Variants in MECOM observed in about 807,000 individuals in gnomAD.
MECOM encodes MDS1 and EVI1 complex locus.
A neutral mutation model predicts 116.3 loss-of-function variants in MECOM; 13 were observed. The ratio of observed to expected loss-of-function variants is 0.11; its 90% confidence interval spans 0.07 to 0.18. MECOM has a LOEUF of 0.18. MECOM is among the 10% of genes least tolerant of loss of function. The probability of loss-of-function intolerance (pLI) is 1.00; values close to 1 mark genes in which losing one functional copy is unlikely to be tolerated. For missense variants in MECOM, 1,299 were observed against 1,509.0 expected (o/e 0.86, Z 2.31); for synonymous variants, 528 against 535.2 (o/e 0.99, Z 0.19).
At chr3:169,661,306 C>G (rs1577342103) in intron 1 of MECOM, among the ~76,000 whole-genome samples, 3 of 134,524 alleles carry the variant, frequency 2.2e-5, no homozygotes, top group Admixed American at 2.2e-4. Context: ...CCCGCCAACT[C>G]CCCCCCCCAC....
At chr3:169,594,884 A>AC (rs1450329710) in intron 1 of MECOM, among the ~76,000 whole-genome samples, 1 of 151,084 alleles carries the variant, frequency 6.6e-6, no homozygotes, top group East Asian at 1.9e-4. Flanking sequence ...AACTGAAAAA[A>AC]AAAAAAACAA....
chr3:169,404,110 C>A (rs17550888), intron 1 of MECOM, among the ~76,000 whole-genome samples: 1 of 152,076 alleles, frequency 6.6e-6, no homozygotes, highest in Middle Eastern at 3.4e-3. Flanking sequence ...GATCATATTG[C>A]GATAAATGCT....
intron 1 of MECOM, among the ~76,000 whole-genome samples, chr3:169,462,018 ATTCGCTAGTGTAT>A (rs1261125538): frequency 7.2e-5 from 11 of 152,172 alleles, no homozygotes; most frequent in Admixed American, 6.6e-4. Flanking sequence ...CTATCCAAAT[ATTCGCTAGTGTAT>A]TTCCAAATAC....
chr3:169,423,413 T>C lies in MECOM; in HGVS notation c.38-41889A>G, dbSNP rs188064421. Among the ~76,000 whole-genome samples, 14 of 152,230 alleles carry C rather than the reference T, an allele frequency of 9.2e-5. No individual in the cohort carries two copies. The East Asian group carries it at 2.5e-3, about 27-fold the overall frequency. On this transcript the variant is annotated intron_variant, in intron 1 of 16. Coordinates refer to ENST00000651503, the MANE Select transcript of MECOM (RefSeq NM_004991.4). ...TATGTTTCCATAGAGCTTGTAACCA[T>C]ACTTTTCTCAATTTCAAGTTTTCCG...
intron 2 of MECOM, among the ~76,000 whole-genome samples, chr3:169,172,543 T>C (rs1337601862): frequency 6.6e-6 from 1 of 151,962 alleles, no homozygotes; most frequent in Non-Finnish European, 1.5e-5. Context: ...TACCCATACA[T>C]AGGAAAAATG....
chr3:169,314,972 C>T (rs1385186155), intron 2 of MECOM, among the ~76,000 whole-genome samples: 1 of 152,196 alleles, frequency 6.6e-6, no homozygotes, highest in Admixed American at 6.5e-5. Flanking sequence ...AAACACTGTG[C>T]AGGGCCCTGT....
At chr3:169,257,478 T>C (rs1355139845) in intron 2 of MECOM, among the ~76,000 whole-genome samples, 1 of 152,248 alleles carries the variant, frequency 6.6e-6, no homozygotes. Context: ...TCTATATTTA[T>C]GTTGGTGTAA....
chr3:169,471,867 C>T (rs1178086718), intron 1 of MECOM, among the ~76,000 whole-genome samples: 1 of 152,138 alleles, frequency 6.6e-6, no homozygotes, highest in Non-Finnish European at 1.5e-5. Flanking sequence ...TCTATTTATG[C>T]CCACTTACTT....
At chr3:169,117,811 A>G (rs1472451428) in intron 7 of MECOM, among the ~76,000 whole-genome samples, 1 of 152,220 alleles carries the variant, frequency 6.6e-6, no homozygotes, top group African/African-American at 2.4e-5. Flanking sequence ...CTCCTTTACC[A>G]GGTAAGAATC....
At chr3:169,610,893 G>C (rs527640643) in intron 1 of MECOM, among the ~76,000 whole-genome samples, 1 of 152,224 alleles carries the variant, frequency 6.6e-6, no homozygotes, top group Admixed American at 6.5e-5. Context: ...TTTGCTGAAT[G>C]AATGGATGAC....
intron 3 of MECOM, 78 bp from the exon 4 acceptor site, chr3:169,131,609 C>G: frequency 9.3e-7 from 1 of 1,071,572 alleles, no homozygotes; most frequent in Non-Finnish European, 1.4e-6. Context: ...AAGATATACA[C>G]TAAGATACCT....
At chr3:169,551,973 A>T (rs1269917471) in intron 1 of MECOM, among the ~76,000 whole-genome samples, 1 of 152,100 alleles carries the variant, frequency 6.6e-6, no homozygotes, top group Admixed American at 6.6e-5. Context: ...ATACTGTGTG[A>T]TTGCATTTAT....
chr3:169,656,265 TGTGTA>T (rs1256190277), intron 1 of MECOM, among the ~76,000 whole-genome samples: 1 of 152,242 alleles, frequency 6.6e-6, no homozygotes, highest in Non-Finnish European at 1.5e-5. Context: ...TTCTTTATGT[TGTGTA>T]GTTAATGACC....
At chr3:169,483,858 T>C in intron 1 of MECOM, 1 of 1,611,434 alleles carries the variant, frequency 6.2e-7, no homozygotes, top group South Asian at 1.1e-5. Context: ...GATCTTGCTC[T>C]TGCTCCTTTC....
chr3:169,133,865 T>C (rs1577098160), intron 3 of MECOM: 3 of 1,220,774 alleles, frequency 2.5e-6, no homozygotes, highest in South Asian at 1.3e-5. Flanking sequence ...TCTGGAGTTC[T>C]ATTTCCCCTT....
intron 1 of MECOM, among the ~76,000 whole-genome samples, chr3:169,643,521 G>A (rs966505590): frequency 6.6e-6 from 1 of 152,160 alleles, no homozygotes; most frequent in Non-Finnish European, 1.5e-5. Context: ...TGGCAGAAAA[G>A]TGTGAATGAG....
chr3:169,163,281 T>C (rs1451866946), intron 2 of MECOM, among the ~76,000 whole-genome samples: 4 of 152,166 alleles, frequency 2.6e-5, no homozygotes, highest in Non-Finnish European at 4.4e-5. Flanking sequence ...ATTTCACTCA[T>C]GTACTCCTTC....
rs553694776 is a variant in MECOM, at chr3:169,361,045, A to T, written c.375+20142T>A. ...CTGGGGGCCAAATTAAGGGGTAGTAAAAAAGTAAAAGAGATAACCCTTAAA... is the reference window on the plus strand; with the variant it reads ...CTGGGGGCCAAATTAAGGGGTAGTATAAAAGTAAAAGAGATAACCCTTAAA... On this transcript the variant is annotated intron_variant, in intron 2 of 16. Transcript: ENST00000651503. Among the ~76,000 whole-genome samples, 4 of 151,910 alleles carry T rather than the reference A, an allele frequency of 2.6e-5. No individual in the cohort carries two copies. The South Asian group carries it at 8.3e-4, about 32-fold the overall frequency.
At chr3:169,415,046 C>T (rs191067685) in intron 1 of MECOM, among the ~76,000 whole-genome samples, 3 of 152,280 alleles carry the variant, frequency 2.0e-5, no homozygotes, top group East Asian at 3.9e-4. Context: ...CACAAAGATA[C>T]TCCTTCAGAA....
Sources: allele counts gnomAD v4.1 joint callset (sites outside exome capture counted in the v4.1 genomes callset), GRCh38; gene constraint gnomAD v4.1.1; transcripts MANE v1.5; gene names NCBI Gene and HGNC (gene_info 2026-07-23, HGNC 2026-07-21).